The following EXOC3L4 variants were observed in gnomAD, a reference collection of about 807,000 sequenced individuals.
EXOC3L4 encodes the protein exocyst complex component 3-like protein 4.
A neutral mutation model predicts 69.7 loss-of-function variants in EXOC3L4; 62 were observed. That is an observed-to-expected ratio of 0.89 (90% confidence interval 0.72 to 1.10). The LOEUF (loss-of-function observed/expected upper bound fraction) is 1.10. Among genes scored for constraint, EXOC3L4 ranks in the 50% least tolerant of loss-of-function variants. The pLI is 0.00. For missense variants in EXOC3L4, 1,087 were observed against 1,034.8 expected (o/e 1.05, Z -0.69); for synonymous variants, 502 against 464.2 (o/e 1.08, Z -1.05).
chr14:103,105,527 G>A (rs563994684), intron 7 of EXOC3L4, among the ~76,000 whole-genome samples: 6 of 152,238 alleles, frequency 3.9e-5, no homozygotes, highest in African/African-American at 1.4e-4. Flanking sequence ...CTTCAAGGCT[G>A]AGCAGAGGCC....
chr14:103,100,369 G>C lies in EXOC3L4; in HGVS notation c.150G>C (p.Leu50=). The change falls in exon 2 of 12, where the codon CTG becomes CTC. Residue 50 remains leucine (L), a synonymous_variant. Coordinates refer to ENST00000688303, the MANE Select transcript of EXOC3L4 (RefSeq NM_001077594.2). ...AHRKDGTRLG[L]GSLRQAFSRA... is the part of the protein sequence containing the mutation. ...GCAAGGATGGCACAAGGCTGGGCCT[G>C]GGCTCCCTGAGGCAGGCCTTCTCCC... 2 of 1,606,900 alleles carry C rather than the reference G, an allele frequency of 1.2e-6. No individual in the cohort carries two copies. The highest frequency in any genetic ancestry group is 1.7e-4 in the Middle Eastern group (1 of 6,048).
In EXOC3L4 at chr14:103,097,977, G is replaced by T. The variant is rs551704158; in HGVS notation, c.-16-2227G>T. On this transcript the variant is annotated intron_variant, in intron 1 of 11. Transcript: ENST00000688303. The surrounding 1 kb of genome is among the most constrained non-coding windows in gnomAD (Gnocchi z 4.9). ...CTCGGGCAGGAGGGAACCATGGAAG[G>T]GCTTAAAGCAGGGGAGTGACCTGGC... 6.6e-6 allele frequency among the ~76,000 whole-genome samples: 1 copy of T among 152,212 alleles called. No homozygotes were observed. Among genetic ancestry groups the T allele is most frequent in the Admixed American group, 6.5e-5 (1 of 15,300 alleles).
chr14:103,104,093 G>A, intron 4 of EXOC3L4, 41 bp downstream of exon 4: 1 of 1,501,518 alleles, frequency 6.7e-7, no homozygotes, highest in Non-Finnish European at 8.9e-7. Flanking sequence ...CAGGCTGGAG[G>A]GGGCGGGCCC....
chr14:103,099,474 G>T (rs185090880), intron 1 of EXOC3L4, among the ~76,000 whole-genome samples: 8 of 152,310 alleles, frequency 5.3e-5, no homozygotes, highest in African/African-American at 2.4e-5. Flanking sequence ...AGGAGGAGAG[G>T]CAATGGGTGG....
chr14:103,101,059 C>A (rs1412549716), intron 2 of EXOC3L4, among the ~76,000 whole-genome samples: 1 of 148,642 alleles, frequency 6.7e-6, no homozygotes, highest in Non-Finnish European at 1.5e-5. Flanking sequence ...CGTGCCAACA[C>A]ACCTGGTTAA....
Position 103,104,813 on chromosome 14 carries a change from C to G in EXOC3L4, c.1360C>G (p.Arg454Gly). The change falls in exon 6 of 12, where the codon CGG becomes GGG. Residue 454 changes from arginine to glycine, a missense_variant. Arg to Gly is a moderately radical substitution (Grantham distance 125, BLOSUM62 -2). Transcript: ENST00000688303. ...LEATTLRICT[R>G]ALGLFVPRFE... ...GGCCACCACCCTGCGAATCTGCACG[C>G]GGGCGCTCGGCCTCTTCGTGCCCAG... 6.6e-7 allele frequency: 1 copy of G among 1,512,510 alleles called. No individual in the cohort carries two copies. Among genetic ancestry groups the G allele is most frequent in the Non-Finnish European group, 8.9e-7 (1 of 1,123,934 alleles). The allele number at this position is 1,512,510 out of a possible 1,614,324, so 93.7% of individuals were successfully genotyped here.
intron 6 of EXOC3L4, 72 bp downstream of exon 6, chr14:103,104,910 T>C: frequency 3.2e-6 from 5 of 1,564,668 alleles, no homozygotes; most frequent in Non-Finnish European, 4.4e-6. Context: ...GGAGTCTGCG[T>C]AGGGACCTGA....
At chr14:103,100,172 C>A in intron 1 of EXOC3L4, 32 bp from the exon 2 acceptor site, 1 of 1,498,050 alleles carries the variant, frequency 6.7e-7, no homozygotes, top group African/African-American at 1.4e-5. Context: ...GTTTCTGCAT[C>A]TGCTCCTATG....
At chr14:103,100,804 C>T (rs536654831) in intron 2 of EXOC3L4, among the ~76,000 whole-genome samples, 191 bp downstream of exon 2, 3 of 152,122 alleles carry the variant, frequency 2.0e-5, no homozygotes, top group African/African-American at 7.2e-5. Flanking sequence ...GGTGCAATCA[C>T]AGCTCACTGC....
intron 11 of EXOC3L4, among the ~76,000 whole-genome samples, chr14:103,109,169 C>T (rs1462565039): frequency 7.7e-6 from 1 of 129,962 alleles, no homozygotes; most frequent in Non-Finnish European, 1.6e-5. Flanking sequence ...CACCACCTGT[C>T]CCCCGGTCTC....
chr14:103,109,905 C>T (rs1258227485), intron 11 of EXOC3L4, 126 bp from the exon 12 acceptor site: 4 of 1,073,462 alleles, frequency 3.7e-6, no homozygotes, highest in Non-Finnish European at 5.3e-6. Context: ...TCAATCTGAC[C>T]TCCCTGACCA....
Position 103,110,183 on chromosome 14 carries a change from A to G in EXOC3L4, c.2129A>G (p.Lys710Arg). 6.5e-7 allele frequency: 1 copy of G among 1,527,062 alleles called. No individual in the cohort carries two copies. Among genetic ancestry groups the G allele is most frequent in the East Asian group, 2.5e-5 (1 of 40,756 alleles). 94.6% of individuals were successfully genotyped at this position (1,527,062 alleles called of 1,614,324 possible). Residue 710 changes from lysine (K) to arginine (R), a missense_variant, in exon 12 of 12, where the codon AAG (lysine) becomes AGG (arginine). Transcript: ENST00000688303. ...PRGRVLFEEI[K>R]VPSAMAVLIT... ...GGCCGCGTGCTCTTCGAGGAGATCAAGGTGCCCAGTGCCATGGCTGTGCTG... is the reference window on the plus strand; with the variant it reads ...GGCCGCGTGCTCTTCGAGGAGATCAGGGTGCCCAGTGCCATGGCTGTGCTG...
rs764929435 is a variant in EXOC3L4 at position 103,107,412 on chromosome 14, C to T, written c.1582-12C>T. ...GTGCACATTTGCAGACTCCCAGCCC[C>T]TCTGTCCCCAGCCGCTCTTCAGGGT... On this transcript the variant is annotated splice_polypyrimidine_tract_variant and intron_variant, in intron 8 of 11. Transcript: ENST00000688303. 1.9e-6 allele frequency: 3 copies of T among 1,612,142 alleles called. No individual in the cohort carries two copies. Among genetic ancestry groups the T allele is most frequent in the South Asian group, 1.1e-5 (1 of 91,060 alleles).
chr14:103,107,682 G>A lies in EXOC3L4; in HGVS notation c.1753G>A (p.Ala585Thr), dbSNP rs144210817. ...CGTGGTCCGCGAGTACCTGGCGCGGGCGCTGAGGCCACGGGAGCGGTTCCG... is the reference window on the plus strand; with the variant it reads ...CGTGGTCCGCGAGTACCTGGCGCGGACGCTGAGGCCACGGGAGCGGTTCCG... The part of the protein sequence containing the change: ...RFVVREYLAR[A>T]LRPRERFRGM... Residue 585 changes from alanine to threonine, a missense_variant, in exon 10 of 12, where the codon GCG (alanine) becomes ACG (threonine). Ala to Thr is a moderately conservative substitution (Grantham distance 58). Transcript: ENST00000688303. The A allele has an allele frequency of 2.6e-6, 4 of 1,560,168 alleles. No homozygotes were observed. Among genetic ancestry groups the A allele is most frequent in the Non-Finnish European group, 3.5e-6 (4 of 1,151,450 alleles).
At chr14:103,098,314 T>C (rs1566944544) in intron 1 of EXOC3L4, among the ~76,000 whole-genome samples, 2 of 152,234 alleles carry the variant, frequency 1.3e-5, no homozygotes, top group East Asian at 3.9e-4. Context: ...GGGGAGCTTC[T>C]GGGCGGCAGT....
intron 10 of EXOC3L4, 22 bp from the exon 11 acceptor site, chr14:103,108,374 A>G: frequency 6.2e-7 from 1 of 1,610,516 alleles, no homozygotes; most frequent in South Asian, 1.1e-5. Flanking sequence ...CTGTTGGGGC[A>G]GGCGGTGGCT....
intron 7 of EXOC3L4, among the ~76,000 whole-genome samples, chr14:103,105,986 C>T (rs1890527413): frequency 1.3e-5 from 2 of 152,252 alleles, no homozygotes. Flanking sequence ...CACCTGCTCC[C>T]TGGGGTGGTG....
intron 4 of EXOC3L4, 100 bp from the exon 5 acceptor site, chr14:103,104,167 C>T: frequency 6.9e-7 from 1 of 1,445,864 alleles, no homozygotes; most frequent in Non-Finnish European, 9.1e-7. Flanking sequence ...CCCTGTGGCC[C>T]CCGGCGCGGG....
intron 10 of EXOC3L4, among the ~76,000 whole-genome samples, 183 bp from the exon 11 acceptor site, chr14:103,108,213 C>A (rs1422382479): frequency 1.3e-5 from 2 of 152,174 alleles, no homozygotes; most frequent in East Asian, 3.9e-4. Flanking sequence ...GCCCATGAGC[C>A]CTCGGTGCCC....
Sources: gnomAD v4.1 joint callset for allele counts (sites outside exome capture counted in the v4.1 genomes callset) on GRCh38, gnomAD v4.1.1 for gene constraint, Gnocchi (gnomAD v3.1) non-coding constraint, MANE v1.5 for transcripts, NCBI Gene and HGNC (gene_info 2026-07-23, HGNC 2026-07-21) for gene names.